TCF20: variants seen among roughly 807,000 people sequenced by gnomAD.
The protein encoded by TCF20 is transcription factor 20.
A neutral mutation model predicts 148.6 loss-of-function variants in TCF20; 3 were observed. The ratio of observed to expected loss-of-function variants is 0.02; its 90% CI spans 0.01 to 0.05. TCF20 has a LOEUF of 0.05. Ranked by LOEUF, TCF20 falls within the 10% of genes least tolerant of loss-of-function variation. The pLI is 1.00. For missense variants in TCF20, 2,350 were observed against 2,429.3 expected (o/e 0.97, Z 0.69); for synonymous variants, 1,049 against 909.5 (o/e 1.15, Z -2.76).
In TCF20 at chr22:42,192,663, T is replaced by C. The variant is rs531791013; in HGVS notation, c.5656-12961A>G. Among the ~76,000 whole-genome samples the C allele has an allele frequency of 3.3e-5, 5 of 152,172 alleles. No homozygotes were observed. In the South Asian group the frequency reaches 8.3e-4, roughly 25 times the overall value. On this transcript the variant is annotated intron_variant, in intron 2 of 5. Coordinates refer to ENST00000677622, the MANE Select transcript of TCF20 (RefSeq NM_001378418.1). ...TACCACAGGATCACTGGTCCTCAAA[T>C]CCTAAGCCAGCCCCTGCCACCTCTC...
Position 42,213,959 on chromosome 22 carries a change from T to C in TCF20, c.1347A>G (p.Thr449=), listed in dbSNP as rs755183167. ...GLEGVPEKRL[T]DPGLSSLSAL... is the part of the protein sequence containing the mutation. Reference sequence around the variant, plus strand: ...CACTCAAACTACTCAACCCAGGATCTGTCAGTCGCTTTTCTGGTACCCCTT... The same window carrying C: ...CACTCAAACTACTCAACCCAGGATCCGTCAGTCGCTTTTCTGGTACCCCTT... Residue 449 remains threonine (T), a synonymous_variant, in exon 2 of 6, where the codon ACA becomes ACG. Coordinates refer to ENST00000677622, the MANE Select transcript of TCF20 (RefSeq NM_001378418.1). 2 of 1,614,198 alleles carry C rather than the reference T, an allele frequency of 1.2e-6. No homozygotes were observed. The highest frequency in any genetic ancestry group is 1.7e-6 in the Non-Finnish European group (2 of 1,180,022).
chr22:42,283,184 C>A (rs530467169), intron 1 of TCF20, among the ~76,000 whole-genome samples: 1 of 152,254 alleles, frequency 6.6e-6, no homozygotes, highest in Non-Finnish European at 1.5e-5. Context: ...GGCCCTCGCT[C>A]CGTGCCCATC....
chr22:42,339,986 T>A (rs547190597), intron 1 of TCF20, among the ~76,000 whole-genome samples: 2 of 152,274 alleles, frequency 1.3e-5, no homozygotes, highest in South Asian at 4.1e-4. Context: ...CTCCCCCTGC[T>A]CCTGACCTGG....
At chr22:42,219,092 ATAAG>A (rs1378316211) in intron 1 of TCF20, among the ~76,000 whole-genome samples, 3 of 152,020 alleles carry the variant, frequency 2.0e-5, no homozygotes, top group African/African-American at 4.8e-5. Flanking sequence ...GAGCTATAAA[ATAAG>A]TAATAGGCTG....
At chr22:42,238,560 T>G (rs1459294991) in intron 1 of TCF20, among the ~76,000 whole-genome samples, 2 of 152,250 alleles carry the variant, frequency 1.3e-5, no homozygotes, top group Non-Finnish European at 2.9e-5. Flanking sequence ...CCTTCCTCAC[T>G]AAACCATCAT....
At chr22:42,189,780 T>C (rs1937237664) in intron 2 of TCF20, among the ~76,000 whole-genome samples, 1 of 152,228 alleles carries the variant, frequency 6.6e-6, no homozygotes. Context: ...AAGAAACTGT[T>C]CCAGTTAGTT....
chr22:42,202,064 A>T (rs1044779652), intron 2 of TCF20, among the ~76,000 whole-genome samples: 1 of 152,208 alleles, frequency 6.6e-6, no homozygotes, highest in African/African-American at 2.4e-5. Flanking sequence ...AGTTTCCAAC[A>T]AGAGTAAAAA....
chr22:42,293,541 C>T (rs1179131386), intron 1 of TCF20, among the ~76,000 whole-genome samples: 2 of 152,130 alleles, frequency 1.3e-5, no homozygotes, highest in Non-Finnish European at 2.9e-5. Flanking sequence ...CACAGAGCTC[C>T]CAATCTCAGG....
At chr22:42,201,495 C>T (rs555841732) in intron 2 of TCF20, among the ~76,000 whole-genome samples, 10 of 152,222 alleles carry the variant, frequency 6.6e-5, no homozygotes, top group African/African-American at 2.4e-4. Flanking sequence ...AGACCAGGCG[C>T]GGTGGCTCAT....
At chr22:42,319,038 G>C (rs953345562) in intron 1 of TCF20, among the ~76,000 whole-genome samples, 2 of 152,186 alleles carry the variant, frequency 1.3e-5, no homozygotes, top group African/African-American at 2.4e-5. Flanking sequence ...AGGGGTACTA[G>C]GGGGGCATGA....
At chr22:42,314,436 G>A (rs1465675780) in intron 1 of TCF20, among the ~76,000 whole-genome samples, 2 of 152,234 alleles carry the variant, frequency 1.3e-5, no homozygotes, top group African/African-American at 4.8e-5. Flanking sequence ...GCAGGCCCTC[G>A]GAGGAGCTTG....
intron 1 of TCF20, among the ~76,000 whole-genome samples, chr22:42,342,288 C>T (rs1049870950): frequency 2.0e-5 from 3 of 152,000 alleles, no homozygotes; most frequent in Non-Finnish European, 4.4e-5. Flanking sequence ...GGGGGAGAAA[C>T]GACGGGAGGG....
At chr22:42,176,760 G>T (rs535915754) in intron 3 of TCF20, among the ~76,000 whole-genome samples, 1 of 152,292 alleles carries the variant, frequency 6.6e-6, no homozygotes, top group Admixed American at 6.5e-5. Flanking sequence ...GTTAAAAGCT[G>T]CATGTTCTCG....
intron 1 of TCF20, among the ~76,000 whole-genome samples, chr22:42,303,383 A>C (rs534609287): frequency 5.3e-4 from 81 of 152,364 alleles, no homozygotes; most frequent in African/African-American, 1.9e-3. Flanking sequence ...CCCTTGCCCC[A>C]GATCAGACAG....
intron 1 of TCF20, chr22:42,269,780 C>T (rs993284991): frequency 1.3e-5 from 2 of 152,828 alleles, no homozygotes. Flanking sequence ...GCAGCCGCGT[C>T]CACATGGCTT....
intron 1 of TCF20, among the ~76,000 whole-genome samples, chr22:42,251,586 T>C (rs561627132): frequency 1.6e-5 from 2 of 124,332 alleles, no homozygotes; most frequent in Non-Finnish European, 3.2e-5. Context: ...CACTGCAACC[T>C]CCGCCTCCCA....
Position 42,215,254 on chromosome 22 carries a change from G to A in TCF20, c.52C>T (p.Pro18Ser), listed in dbSNP as rs780657916. Residue 18 changes from proline (P) to serine (S), a missense_variant, in exon 2 of 6, where the codon CCA becomes TCA. By Grantham distance (74) the Pro-to-Ser change is moderately conservative. This residue lies in a region of TCF20 where 1,641 missense variants were observed against 1,662.6 expected (regional missense o/e 0.99). Coordinates refer to ENST00000677622, the MANE Select transcript of TCF20 (RefSeq NM_001378418.1). Reference protein sequence around the residue: ...SSYHGNQQSYPQEVHGSSRLE... With the variant: ...SSYHGNQQSYSQEVHGSSRLE... ...CGGGATGAGCCGTGTACCTCCTGTGGGTAGCTTTGCTGGTTTCCGTGGTAA... is the reference window on the plus strand; with the variant it reads ...CGGGATGAGCCGTGTACCTCCTGTGAGTAGCTTTGCTGGTTTCCGTGGTAA... 3.7e-6 allele frequency: 6 copies of A among 1,614,040 alleles called. No homozygotes were observed. The East Asian group carries it at 1.3e-4, about 36-fold the overall frequency.
intron 1 of TCF20, among the ~76,000 whole-genome samples, chr22:42,244,060 C>T (rs1242624599): frequency 6.6e-6 from 1 of 152,106 alleles, no homozygotes; most frequent in Non-Finnish European, 1.5e-5. Flanking sequence ...AAAAATTAGA[C>T]AGGTATGGTG....
At chr22:42,301,108 T>G (rs1927328648) in intron 1 of TCF20, among the ~76,000 whole-genome samples, 1 of 152,092 alleles carries the variant, frequency 6.6e-6, no homozygotes, top group African/African-American at 2.4e-5. Context: ...GAGGTGTAAA[T>G]GGCTGCTGGA....
Sources: allele counts gnomAD v4.1 joint callset (sites outside exome capture counted in the v4.1 genomes callset), GRCh38; gene constraint gnomAD v4.1.1; regional missense constraint gnomAD v4.1.1; transcripts MANE v1.5; gene names NCBI Gene and HGNC (gene_info 2026-07-23, HGNC 2026-07-21).